Variants in MME observed in about 807,000 individuals in gnomAD.
The protein encoded by MME is neprilysin.
MME carries 98 observed loss-of-function variants against 113.2 expected under a neutral mutation model. The ratio of observed to expected loss-of-function variants is 0.87; its 90% confidence interval spans 0.74 to 1.02. The LOEUF (loss-of-function observed/expected upper bound fraction) is 1.02. MME is among the 50% of genes least tolerant of loss of function. MME has a pLI of 0.00. For synonymous variants in MME, 292 were observed against 300.6 expected (o/e 0.97, Z 0.30); for missense variants, 836 against 896.0 (o/e 0.93, Z 0.86).
intron 8 of MME, among the ~76,000 whole-genome samples, chr3:155,119,436 CT>C (rs1333550021): frequency 1.6e-5 from 2 of 128,882 alleles, no homozygotes. Context: ...TTTTATTATA[CT>C]TTAAGTTTTA....
intron 7 of MME, 61 bp from the exon 8 acceptor site, chr3:155,118,684 AT>A: frequency 9.0e-7 from 1 of 1,108,934 alleles, no homozygotes; most frequent in Non-Finnish European, 1.3e-6. Context: ...ACATGCTTGT[AT>A]TTTTCAAACT....
At position 155,144,483 on chromosome 3, in the gene MME, A is replaced by C. The variant is rs551669972; in HGVS notation, c.1416+26A>C. 9.6e-6 allele frequency: 14 copies of C among 1,452,352 alleles called. No homozygotes were observed. In the South Asian group the frequency reaches 1.4e-4, roughly 14 times the overall value. 90.0% of individuals were successfully genotyped at this position (1,452,352 alleles called of 1,614,324 possible). A position where few individuals can be genotyped will look rare whatever the true frequency, so the allele number is the denominator to read the frequency against. The stretch of plus-strand genomic sequence containing the variant: ...GTAAAGAGCAGACAGCTAACTAGCA[A>C]AGAAAAATCTTTGCTAGTATAGGAA... On this transcript the variant is annotated intron_variant, in intron 14 of 22. Coordinates refer to ENST00000360490, the MANE Select transcript of MME (RefSeq NM_007289.4).
intron 1 of MME, among the ~76,000 whole-genome samples, chr3:155,071,177 G>A (rs1024771212): frequency 2.9e-4 from 44 of 152,068 alleles, no homozygotes; most frequent in African/African-American, 1.0e-3. Context: ...GTTTCTCTGC[G>A]TATTGCCAGT....
intron 1 of MME, among the ~76,000 whole-genome samples, chr3:155,066,495 A>G (rs1714383562): frequency 6.6e-6 from 1 of 152,170 alleles, no homozygotes; most frequent in African/African-American, 2.4e-5. Context: ...CCATGGAGTG[A>G]GTATCGTCGT....
At chr3:155,152,376 G>A (rs1721997709) in intron 16 of MME, among the ~76,000 whole-genome samples, 5 of 152,222 alleles carry the variant, frequency 3.3e-5, no homozygotes, top group Middle Eastern at 3.4e-3. Context: ...ATTTTACTAC[G>A]TTTAGTTGGA....
chr3:155,110,050 A>G (rs568943017), intron 3 of MME, among the ~76,000 whole-genome samples: 2 of 152,358 alleles, frequency 1.3e-5, no homozygotes, highest in African/African-American at 2.4e-5. Context: ...TGTCCCAACA[A>G]GAATTGTTGG....
intron 3 of MME, among the ~76,000 whole-genome samples, chr3:155,089,607 A>G (rs1003987233): frequency 6.6e-6 from 1 of 152,216 alleles, no homozygotes; most frequent in Non-Finnish European, 1.5e-5. Flanking sequence ...AAACGGTCTC[A>G]AGATGTTATC....
chr3:155,106,896 A>C (rs3773896), intron 3 of MME, among the ~76,000 whole-genome samples: 25,769 of 152,138 alleles, frequency 0.17, 2,246 homozygotes, highest in African/African-American at 0.2. Context: ...CTGTTGGACA[A>C]TTCTAGAACA....
At chr3:155,151,073 T>TA (rs142702408) in intron 16 of MME, among the ~76,000 whole-genome samples, 72 of 147,630 alleles carry the variant, frequency 4.9e-4, no homozygotes, top group African/African-American at 6.7e-4. Context: ...AGAATCCGTC[T>TA]AAAAAAAAAA....
intron 1 of MME, among the ~76,000 whole-genome samples, chr3:155,061,862 T>A (rs1714161671): frequency 6.6e-6 from 1 of 152,040 alleles, no homozygotes; most frequent in Non-Finnish European, 1.5e-5. Context: ...GGTTTTGCCG[T>A]GTTGGCCAGG....
upstream of MME, among the ~76,000 whole-genome samples, chr3:155,077,273 C>T (rs543417822): frequency 6.6e-6 from 1 of 152,166 alleles, no homozygotes; most frequent in African/African-American, 2.4e-5. Context: ...GTGTCACACA[C>T]AGTGGTTTTT....
chr3:155,163,739 C>T lies in MME; in HGVS notation c.1661-3163C>T, dbSNP rs77883362. On this transcript the variant is annotated intron_variant, in intron 17 of 22. Coordinates refer to ENST00000360490, the MANE Select transcript of MME (RefSeq NM_007289.4). Reference sequence around the variant, plus strand: ...GTTCAGTCTGTGTCGACTATAAATACCTTGAGATAGTTAAATTTTCTAAAT... The same window carrying T: ...GTTCAGTCTGTGTCGACTATAAATATCTTGAGATAGTTAAATTTTCTAAAT... Among the ~76,000 whole-genome samples the T allele has an allele frequency of 5.8e-3, 888 of 152,076 alleles. 5 individuals are homozygous for T. Among genetic ancestry groups the T allele is most frequent in the Non-Finnish European group, 8.0e-3 (546 of 67,998 alleles).
chr3:155,061,413 T>C (rs1489984028), intron 1 of MME, among the ~76,000 whole-genome samples: 3 of 138,198 alleles, frequency 2.2e-5, no homozygotes, highest in Non-Finnish European at 3.0e-5. Flanking sequence ...ATGGCGCCAC[T>C]GCACTCCAAC....
Position 155,060,835 on chromosome 3 carries a change from G to GAGAC in MME, c.-10-23320_-10-23319insCAGA, listed in dbSNP as rs1235462501. Among the ~76,000 whole-genome samples the GAGAC allele has an allele frequency of 3.1e-4, 47 of 150,814 alleles. No individual in the cohort carries two copies. The South Asian group carries it at 4.6e-3, about 15-fold the overall frequency. On this transcript the variant is annotated intron_variant, in intron 1 of 22. Transcript: ENST00000492661. ...GTGAGTACCTGCAGAGAGGCAGAGAGAGAGAGAGAGAGAGAGAGAGAGAGT... is the reference window on the plus strand; with the variant it reads ...GTGAGTACCTGCAGAGAGGCAGAGAGAGACAGAGAGAGAGAGAGAGAGAGAGAGT...
intron 16 of MME, chr3:155,158,622 A>G (rs573882068): frequency 9.2e-5 from 14 of 152,034 alleles, no homozygotes; most frequent in South Asian, 6.2e-4. Context: ...ATTTTCTTTT[A>G]TAATACTTCG....
intron 20 of MME, 72 bp downstream of exon 20, chr3:155,168,869 C>A: frequency 1.5e-6 from 2 of 1,358,014 alleles, no homozygotes; most frequent in Non-Finnish European, 2.1e-6. Flanking sequence ...TCATTTAAAA[C>A]CTTTTGCAAA....
At chr3:155,065,773 G>T (rs946034005) in intron 1 of MME, among the ~76,000 whole-genome samples, 1 of 152,190 alleles carries the variant, frequency 6.6e-6, no homozygotes, top group African/African-American at 2.4e-5. Flanking sequence ...AGCAGGCTGA[G>T]CTGAGGTAAA....
At chr3:155,115,808 C>A (rs1718551305) in intron 4 of MME, among the ~76,000 whole-genome samples, 1 of 152,136 alleles carries the variant, frequency 6.6e-6, no homozygotes, top group South Asian at 2.1e-4. Flanking sequence ...TCTCCCTACC[C>A]AAACCCTGTG....
intron 17 of MME, among the ~76,000 whole-genome samples, chr3:155,163,918 T>G (rs1262903616): frequency 6.6e-6 from 1 of 152,010 alleles, no homozygotes; most frequent in Non-Finnish European, 1.5e-5. Flanking sequence ...TGAGGTAGGC[T>G]GATTACTTGA....
Sources: gnomAD v4.1 joint callset for allele counts (sites outside exome capture counted in the v4.1 genomes callset) on GRCh38, gnomAD v4.1.1 for gene constraint, MANE v1.5 for transcripts, NCBI Gene and HGNC (gene_info 2026-07-23, HGNC 2026-07-21) for gene names.